The following IMPG1 variants were observed in gnomAD, a reference collection of about 807,000 sequenced individuals.
IMPG1 encodes interphotoreceptor matrix proteoglycan of 150 kDa.
A neutral mutation model predicts 92.0 loss-of-function variants in IMPG1; 85 were observed. The observed-to-expected ratio is 0.92, with a 90% CI of 0.78 to 1.11. The LOEUF is 1.11. Among genes scored for constraint, IMPG1 ranks in the 50% least tolerant of loss-of-function variants. The pLI is 0.00. For missense variants in IMPG1, 1,022 were observed against 956.0 expected (o/e 1.07, Z -0.91); for synonymous variants, 367 against 334.1 (o/e 1.10, Z -1.08).
intron 14 of IMPG1, among the ~76,000 whole-genome samples, chr6:75,937,641 T>C (rs1057342404): frequency 1.3e-5 from 2 of 152,214 alleles, no homozygotes; most frequent in African/African-American, 4.8e-5. Context: ...ATAGTAACTA[T>C]TATTGACATT....
rs1285972821 is a variant in IMPG1 at position 76,072,459 on chromosome 6, A to G, written c.30T>C (p.Phe10=). 2 of 1,597,722 alleles carry G rather than the reference A, an allele frequency of 1.3e-6. No homozygotes were observed. Among genetic ancestry groups the G allele is most frequent in the Admixed American group, 1.7e-5 (1 of 58,470 alleles). Reference sequence around the variant, plus strand: ...GAACTTGGAGAAAAATCCAAAAAACAAAAATAGCTCTTCTAGTTTCCAAAT... The same window carrying G: ...GAACTTGGAGAAAAATCCAAAAAACGAAAATAGCTCTTCTAGTTTCCAAAT... MYLETRRAI[F]VFWIFLQVQG... Residue 10 remains phenylalanine, a synonymous_variant, in exon 1 of 17, where the codon TTT becomes TTC. Transcript: ENST00000369950.
At chr6:76,025,312 G>A (rs990376610) in intron 4 of IMPG1, 54 bp from the exon 5 acceptor site, 6 of 944,820 alleles carry the variant, frequency 6.4e-6, no homozygotes, top group African/African-American at 3.3e-5. Flanking sequence ...CTTGATGACA[G>A]TAGAGAACAT....
chr6:75,971,553 T>C (rs1337641651), intron 12 of IMPG1, among the ~76,000 whole-genome samples: 2 of 152,194 alleles, frequency 1.3e-5, no homozygotes, highest in African/African-American at 2.4e-5. Context: ...CAAAACAAAA[T>C]TTAACCTCCC....
intron 2 of IMPG1, among the ~76,000 whole-genome samples, chr6:76,036,083 T>G (rs776275835): frequency 2.0e-5 from 3 of 152,236 alleles, no homozygotes; most frequent in Non-Finnish European, 4.4e-5. Flanking sequence ...TACTTATTTA[T>G]GTAAAGAAGT....
chr6:76,032,042 G>A (rs889168699), intron 4 of IMPG1, among the ~76,000 whole-genome samples: 1 of 152,082 alleles, frequency 6.6e-6, no homozygotes, highest in Admixed American at 6.6e-5. Context: ...TTGTCTTCTT[G>A]GAAAGGTTTA....
chr6:76,021,810 TTA>T (rs1329014172), intron 6 of IMPG1, among the ~76,000 whole-genome samples: 1 of 90,714 alleles, frequency 1.1e-5, no homozygotes, highest in African/African-American at 4.0e-5. Flanking sequence ...TATGGTTTTG[TTA>T]TATATATATA....
At chr6:75,945,611 A>G (rs1039081322) in intron 14 of IMPG1, among the ~76,000 whole-genome samples, 1 of 152,120 alleles carries the variant, frequency 6.6e-6, no homozygotes, top group Non-Finnish European at 1.5e-5. Context: ...TTGGCCTCCC[A>G]AAGTGCTGGG....
intron 8 of IMPG1, among the ~76,000 whole-genome samples, chr6:76,008,647 A>C (rs565907998): frequency 6.6e-6 from 1 of 152,294 alleles, no homozygotes; most frequent in South Asian, 2.1e-4. Context: ...GTAATCCATG[A>C]GGTTCTGTAA....
intron 14 of IMPG1, among the ~76,000 whole-genome samples, chr6:75,939,874 G>A (rs1781809633): frequency 6.6e-6 from 1 of 152,176 alleles, no homozygotes; most frequent in African/African-American, 2.4e-5. Flanking sequence ...TAGACAGCCT[G>A]TGCTGACGTT....
rs747901994 is a variant in IMPG1, at chr6:76,003,958, T to C, written c.1136-8A>G. ...GCAGTGATCCAGCAATTTCTATGGG[T>C]AAAAAATCACAAGATTTGAATGTAT... On this transcript the variant is annotated splice_polypyrimidine_tract_variant and splice_region_variant and intron_variant, in intron 10 of 16. Transcript: ENST00000369950. The C allele has an allele frequency of 6.2e-7, 1 of 1,605,524 alleles. No homozygotes were observed. The highest frequency in any genetic ancestry group is 8.5e-7 in the Non-Finnish European group (1 of 1,174,042).
chr6:75,996,970 T>C (rs1348156888), intron 12 of IMPG1, among the ~76,000 whole-genome samples: 1 of 152,216 alleles, frequency 6.6e-6, no homozygotes, highest in African/African-American at 2.4e-5. Flanking sequence ...AAAAATTTTC[T>C]TGGGAATTGC....
chr6:75,931,313 T>A (rs1781666080), intron 14 of IMPG1, among the ~76,000 whole-genome samples, 162 bp from the exon 15 acceptor site: 1 of 152,232 alleles, frequency 6.6e-6, no homozygotes, highest in African/African-American at 2.4e-5. Context: ...ACATTCTGTA[T>A]CTTTGAAAAA....
rs189231272 is a variant in IMPG1 at position 76,002,799 on chromosome 6, C to T, written c.1291+119G>A. 353 of 730,408 alleles carry T rather than the reference C, an allele frequency of 4.8e-4. No homozygotes were observed. In the East Asian group the frequency reaches 8.9e-3, roughly 18 times the overall value. The allele number at this position is 730,408 out of a possible 1,614,324, so 45.2% of individuals were successfully genotyped here. Reference sequence around the variant, plus strand: ...GCTTTTCTGTTGGAAATGCTGGTGGCAGTGAACCTTTTCCTGGGTTCGGGA... The same window carrying T: ...GCTTTTCTGTTGGAAATGCTGGTGGTAGTGAACCTTTTCCTGGGTTCGGGA... On this transcript the variant is annotated intron_variant, in intron 12 of 16. Transcript: ENST00000369950.
chr6:75,946,266 C>T (rs1016156815), intron 14 of IMPG1, among the ~76,000 whole-genome samples: 6 of 152,190 alleles, frequency 3.9e-5, no homozygotes, highest in South Asian at 2.1e-4. Flanking sequence ...TACTAAGGTA[C>T]GGAGGCAATT....
intron 13 of IMPG1, among the ~76,000 whole-genome samples, chr6:75,948,033 G>A (rs1393230276): frequency 2.0e-5 from 3 of 152,144 alleles, no homozygotes; most frequent in Non-Finnish European, 4.4e-5. Context: ...ATATTTCCCG[G>A]CCAACACAAA....
At chr6:76,066,213 C>T (rs565325525) in intron 1 of IMPG1, among the ~76,000 whole-genome samples, 76 of 152,064 alleles carry the variant, frequency 5.0e-4, no homozygotes, top group Middle Eastern at 3.4e-3. Flanking sequence ...AAAGAAAACT[C>T]CACATATTAA....
rs1562354905 is a variant in IMPG1 at position 75,974,401 on chromosome 6, T to TTTCTTTCCTTCCTTCCTTCCTTGC, written c.1292-23308_1292-23307insGCAAGGAAGGAAGGAAGGAAAGAA. Among the ~76,000 whole-genome samples, 30 of 92,822 alleles carry TTTCTTTCCTTCCTTCCTTCCTTGC rather than the reference T, an allele frequency of 3.2e-4. 2 individuals are homozygous for TTTCTTTCCTTCCTTCCTTCCTTGC. In the East Asian group the frequency reaches 8.0e-3, roughly 25 times the overall value. The allele number at this position is 92,822 out of a possible 152,430, so 60.9% of individuals were successfully genotyped here. A position where few individuals can be genotyped will look rare whatever the true frequency, so the allele number is the denominator to read the frequency against. ...TTTCTTTCTTTCTTTCTTTTCTTTC[T>TTTCTTTCCTTCCTTCCTTCCTTGC]TTCCTTCCTTCCTTCCTTCCTTCCT... On this transcript the variant is annotated intron_variant, in intron 12 of 16. Transcript: ENST00000369950.
chr6:75,974,349 T>C (rs531687817), intron 12 of IMPG1, among the ~76,000 whole-genome samples: 1 of 112,794 alleles, frequency 8.9e-6, no homozygotes, highest in South Asian at 3.2e-4. Flanking sequence ...CTTTCTTTCT[T>C]TCTTTCTTTC....
chr6:76,022,415 T>C (rs551396199), intron 5 of IMPG1, among the ~76,000 whole-genome samples, 196 bp from the exon 6 acceptor site: 5 of 152,310 alleles, frequency 3.3e-5, no homozygotes, highest in East Asian at 3.9e-4. Flanking sequence ...AAATTCTTCA[T>C]TCTTTCTCTT....
Sources: allele counts gnomAD v4.1 joint callset (sites outside exome capture counted in the v4.1 genomes callset), GRCh38; gene constraint gnomAD v4.1.1; transcripts MANE v1.5; gene names NCBI Gene and HGNC (gene_info 2026-07-23, HGNC 2026-07-21).